ADAM12: variants seen among roughly 807,000 people sequenced by gnomAD.
ADAM12 encodes ADAM metallopeptidase domain 12, also known as disintegrin and metalloproteinase domain-containing protein 12.
Under a neutral mutation model 106.4 loss-of-function variants are expected in ADAM12, and 70 were observed. The observed-to-expected ratio is 0.66, with a 90% confidence interval of 0.54 to 0.80. The LOEUF (loss-of-function observed/expected upper bound fraction) is 0.80, where lower values mean the gene tolerates loss of function less well. Among genes scored for constraint, ADAM12 ranks in the 30% least tolerant of loss-of-function variants. The pLI is 0.00. For synonymous variants in ADAM12, 420 were observed against 433.5 expected (o/e 0.97, Z 0.39); for missense variants, 1,010 against 1,171.9 (o/e 0.86, Z 2.02).
At chr10:126,243,829 G>T (rs940523427) in intron 3 of ADAM12, among the ~76,000 whole-genome samples, 4 of 152,176 alleles carry the variant, frequency 2.6e-5, no homozygotes, top group Non-Finnish European at 5.9e-5. Context: ...AGGTAGGAGG[G>T]CTTCTGATTG....
intron 2 of ADAM12, among the ~76,000 whole-genome samples, chr10:126,290,967 T>G (rs1960124027): frequency 1.3e-5 from 2 of 152,216 alleles, no homozygotes; most frequent in Non-Finnish European, 2.9e-5. Flanking sequence ...TAATGTATGC[T>G]TACTGATATA....
intron 3 of ADAM12, among the ~76,000 whole-genome samples, chr10:126,251,834 A>T (rs1958773722): frequency 7.0e-6 from 1 of 142,236 alleles, no homozygotes; most frequent in South Asian, 2.4e-4. Context: ...GATAGGATAG[A>T]TGGATGAATG....
At chr10:126,254,719 A>G (rs1385145148) in intron 3 of ADAM12, among the ~76,000 whole-genome samples, 1 of 152,082 alleles carries the variant, frequency 6.6e-6, no homozygotes, top group African/African-American at 2.4e-5. Context: ...CTCTGCTCAC[A>G]TGCTCCCAGG....
chr10:126,064,944 A>G lies in ADAM12; in HGVS notation c.1471T>C (p.Phe491Leu), dbSNP rs1954836710. ...DSSNSCDLPE[F>L]CTGASPHCPA... ...CAGTGAGGGCTGGCCCCTGTGCAGA[A>G]CTCTGGGAGGTCACAGGAGTTGCTG... is the stretch of plus-strand genomic sequence containing the variant. Residue 491 changes from phenylalanine to leucine, a missense_variant, in exon 14 of 23, where the codon TTC becomes CTC. Around this residue, in one of 3 missense-constraint regions of ADAM12, gnomAD observed 615 missense variants for 708.5 expected, o/e 0.87. Transcript: ENST00000448723. The surrounding 1 kb of genome is among the most constrained non-coding windows in gnomAD (Gnocchi z 4.4). 3 of 1,613,018 alleles carry G rather than the reference A, an allele frequency of 1.9e-6. No homozygotes were observed. The East Asian group carries it at 6.7e-5, about 36-fold the overall frequency.
At chr10:126,326,011 G>T (rs1467275121) in intron 2 of ADAM12, among the ~76,000 whole-genome samples, 2 of 152,182 alleles carry the variant, frequency 1.3e-5, no homozygotes, top group East Asian at 1.9e-4. Flanking sequence ...AATTATCAGT[G>T]GCAGTGATGG....
intron 4 of ADAM12, among the ~76,000 whole-genome samples, chr10:126,146,893 C>T (rs569079318): frequency 1.6e-4 from 25 of 152,182 alleles, no homozygotes; most frequent in Non-Finnish European, 3.4e-4. Flanking sequence ...TCTGACTTTC[C>T]CCTTCCTTCC....
chr10:126,016,926 A>C lies in ADAM12; in HGVS notation c.*353T>G, dbSNP rs2133368606. ...GCTTTCCAATAAGGCCTTGATCAGAAAGCAAACACATCCTGTCCAGAATCC... is the reference window on the plus strand; with the variant it reads ...GCTTTCCAATAAGGCCTTGATCAGACAGCAAACACATCCTGTCCAGAATCC... On this transcript the variant is annotated 3_prime_UTR_variant, in exon 23 of 23. Coordinates refer to ENST00000448723, the MANE Select transcript of ADAM12 (RefSeq NM_001288973.2). The C allele has an allele frequency of 1.1e-5, 2 of 179,346 alleles. No individual in the cohort carries two copies. Among genetic ancestry groups the C allele is most frequent in the East Asian group, 3.0e-4 (2 of 6,650 alleles). 11.1% of individuals were successfully genotyped at this position (179,346 alleles called of 1,614,324 possible).
chr10:126,222,331 G>C (rs766148398), intron 3 of ADAM12, among the ~76,000 whole-genome samples: 1 of 151,984 alleles, frequency 6.6e-6, no homozygotes, highest in African/African-American at 2.4e-5. Flanking sequence ...GAATTGGCAG[G>C]TTCATAAAGC....
intron 3 of ADAM12, among the ~76,000 whole-genome samples, chr10:126,209,303 C>G (rs1417176107): frequency 1.3e-5 from 2 of 152,152 alleles, no homozygotes; most frequent in Admixed American, 1.3e-4. Context: ...TTTTAGACAC[C>G]TCTATAAAAT....
At chr10:126,268,816 G>A (rs1959151813) in intron 3 of ADAM12, among the ~76,000 whole-genome samples, 2 of 152,256 alleles carry the variant, frequency 1.3e-5, no homozygotes, top group African/African-American at 4.8e-5. Context: ...AGCAGAATCT[G>A]TGTTTATGAA....
chr10:126,196,867 G>A (rs532561222), intron 3 of ADAM12, among the ~76,000 whole-genome samples: 5 of 152,266 alleles, frequency 3.3e-5, no homozygotes, highest in African/African-American at 1.2e-4. Flanking sequence ...TGGGGAATTT[G>A]ATTTTAACTT....
intron 3 of ADAM12, among the ~76,000 whole-genome samples, chr10:126,216,756 T>C (rs1275453323): frequency 1.3e-5 from 2 of 152,240 alleles, no homozygotes; most frequent in Non-Finnish European, 2.9e-5. Context: ...CCTCCCTCCC[T>C]GCCTGGAACT....
chr10:126,125,249 CT>C (rs35917087), intron 5 of ADAM12, among the ~76,000 whole-genome samples: 60 of 134,222 alleles, frequency 4.5e-4, no homozygotes, highest in East Asian at 1.3e-3. Flanking sequence ...CTTTTCTTTT[CT>C]TTTTTTTTTT....
intron 1 of ADAM12, among the ~76,000 whole-genome samples, chr10:126,346,780 C>T (rs952477143): frequency 1.3e-4 from 20 of 152,090 alleles, no homozygotes; most frequent in Non-Finnish European, 2.5e-4. Context: ...TATGTAATGG[C>T]CTTCTTTGTC....
chr10:126,026,567 C>T (rs1953877046), intron 21 of ADAM12, among the ~76,000 whole-genome samples: 2 of 152,164 alleles, frequency 1.3e-5, no homozygotes, highest in South Asian at 2.1e-4. Flanking sequence ...GAAATCATAA[C>T]AGTCTGTCAA....
Position 126,108,584 on chromosome 10 carries a change from AG to A in ADAM12, c.741+8del. 6.2e-7 allele frequency: 1 copy of A among 1,611,834 alleles called. No individual in the cohort carries two copies. Among genetic ancestry groups the A allele is most frequent in the Middle Eastern group, 1.7e-4 (1 of 6,056 alleles). On this transcript the variant is annotated splice_region_variant and intron_variant, in intron 8 of 22. Transcript: ENST00000448723. ...ATCTGAATGATTTAACTACTGAAAA[AG>A]AACTTACCTTGTCAACGTGATTAGC...
intron 3 of ADAM12, among the ~76,000 whole-genome samples, chr10:126,179,041 T>C (rs1336683139): frequency 6.6e-6 from 1 of 151,752 alleles, no homozygotes; most frequent in African/African-American, 2.4e-5. Flanking sequence ...AGTGAGACTC[T>C]TATCTTAAAA....
rs539458965 is a variant in ADAM12 at position 126,189,952 on chromosome 10, T to A, written c.261-34647A>T. On this transcript the variant is annotated intron_variant, in intron 3 of 22. Transcript: ENST00000448723. ...CAGGTGCACATCATCACTCAGTTCT[T>A]AATCCTGTAGACGTTTGTCTCTTTT... 2.6e-4 allele frequency among the ~76,000 whole-genome samples: 40 copies of A among 152,274 alleles called. No individual in the cohort carries two copies. The South Asian group carries it at 4.1e-3, about 16-fold the overall frequency.
At position 126,169,464 on chromosome 10, in the gene ADAM12, A is replaced by G. The variant is rs574647807; in HGVS notation, c.261-14159T>C. On this transcript the variant is annotated intron_variant, in intron 3 of 22. Transcript: ENST00000448723. ...ATGTCTGGAACTTAGTAGATGCTCAATAAACACTTGTAGAATGAATGGAAT... is the reference window on the plus strand; with the variant it reads ...ATGTCTGGAACTTAGTAGATGCTCAGTAAACACTTGTAGAATGAATGGAAT... Among the ~76,000 whole-genome samples, 42 of 152,374 alleles carry G rather than the reference A, an allele frequency of 2.8e-4. No homozygotes were observed. The South Asian group carries it at 4.3e-3, about 16-fold the overall frequency.
Sources: gnomAD v4.1 joint callset for allele counts (sites outside exome capture counted in the v4.1 genomes callset) on GRCh38, gnomAD v4.1.1 for gene constraint, gnomAD v4.1.1 regional missense constraint, Gnocchi (gnomAD v3.1) non-coding constraint, MANE v1.5 for transcripts, NCBI Gene and HGNC (gene_info 2026-07-23, HGNC 2026-07-21) for gene names.